The following CACNA2D3 variants were observed in gnomAD, a reference collection of about 807,000 sequenced individuals.
CACNA2D3 encodes calcium voltage-gated channel auxiliary subunit alpha2delta 3.
Under a neutral mutation model 160.6 loss-of-function variants are expected in CACNA2D3, and 60 were observed. The ratio of observed to expected loss-of-function variants is 0.37; its 90% CI spans 0.30 to 0.46. The LOEUF is 0.46. Ranked by LOEUF, CACNA2D3 falls within the 20% of genes least tolerant of loss-of-function variation. CACNA2D3 has a pLI of 1.00. For missense variants in CACNA2D3, 1,205 were observed against 1,365.0 expected (o/e 0.88, Z 1.85); for synonymous variants, 558 against 492.9 (o/e 1.13, Z -1.75).
At chr3:54,156,097 C>T (rs1700238780) in intron 2 of CACNA2D3, among the ~76,000 whole-genome samples, 1 of 152,182 alleles carries the variant, frequency 6.6e-6, no homozygotes, top group African/African-American at 2.4e-5. Context: ...GGAAACCCTT[C>T]AGTCTTCAAA....
chr3:54,628,075 A>G (rs1427350552), intron 10 of CACNA2D3, among the ~76,000 whole-genome samples, 199 bp downstream of exon 10: 1 of 152,110 alleles, frequency 6.6e-6, no homozygotes, highest in Non-Finnish European at 1.5e-5. Flanking sequence ...TACTAAAAAT[A>G]CAAAAAATTA....
chr3:54,734,267 A>G (rs1490602970), intron 11 of CACNA2D3, among the ~76,000 whole-genome samples: 1 of 152,166 alleles, frequency 6.6e-6, no homozygotes, highest in African/African-American at 2.4e-5. Flanking sequence ...GTCATACCCA[A>G]TTCAGATGAT....
At chr3:54,321,628 A>C (rs749780331) in intron 3 of CACNA2D3, among the ~76,000 whole-genome samples, 5 of 152,132 alleles carry the variant, frequency 3.3e-5, no homozygotes, top group Non-Finnish European at 7.4e-5. Context: ...TTTACAAGAG[A>C]GGAGACTGAG....
rs73841668 is a variant in CACNA2D3 at position 54,578,503 on chromosome 3, C to G, written c.889-3300C>G. On this transcript the variant is annotated intron_variant, in intron 8 of 37. Transcript: ENST00000474759. ...CCTTGGGGTCCCCCTCGGGAGGAGC[C>G]GTTGGGTAGTGAGAGGAGCGTGCAT... 5.4e-3 allele frequency among the ~76,000 whole-genome samples: 822 copies of G among 152,294 alleles called. 10 individuals are homozygous for G. Among genetic ancestry groups the G allele is most frequent in the African/African-American group, 0.019 (782 of 41,556 alleles).
chr3:54,827,008 A>G (rs887141136), intron 14 of CACNA2D3, among the ~76,000 whole-genome samples: 2 of 152,194 alleles, frequency 1.3e-5, no homozygotes, highest in Non-Finnish European at 2.9e-5. Flanking sequence ...AAGAACTCTA[A>G]GGACTTTTCC....
At chr3:54,895,042 G>A (rs563429273) in intron 25 of CACNA2D3, among the ~76,000 whole-genome samples, 11 of 152,062 alleles carry the variant, frequency 7.2e-5, no homozygotes, top group African/African-American at 2.7e-4. Flanking sequence ...CATTTTGTCA[G>A]TAAGAGTCAA....
At chr3:54,414,722 G>C (rs1407800034) in intron 4 of CACNA2D3, among the ~76,000 whole-genome samples, 12 of 150,556 alleles carry the variant, frequency 8.0e-5, no homozygotes, top group Non-Finnish European at 1.5e-5. Context: ...GGTAATGGTG[G>C]CTACAGAAGT....
chr3:54,978,006 C>T (rs2107089035), intron 29 of CACNA2D3, among the ~76,000 whole-genome samples: 1 of 152,282 alleles, frequency 6.6e-6, no homozygotes, highest in South Asian at 2.1e-4. Context: ...CCTGACGTTG[C>T]CATGGCATTT....
intron 32 of CACNA2D3, 66 bp from the exon 33 acceptor site, chr3:55,007,724 C>T (rs1703127611): frequency 1.0e-6 from 1 of 982,776 alleles, no homozygotes; most frequent in African/African-American, 1.7e-5. Context: ...TATGTAAAGC[C>T]CTAAATTAAG....
intron 11 of CACNA2D3, among the ~76,000 whole-genome samples, chr3:54,724,174 G>A (rs922752195): frequency 6.6e-6 from 1 of 152,068 alleles, no homozygotes; most frequent in East Asian, 1.9e-4. Context: ...ACAAAGAAGG[G>A]CATTACATAA....
intron 2 of CACNA2D3, among the ~76,000 whole-genome samples, chr3:54,316,529 C>T (rs558577992): frequency 1.1e-4 from 17 of 152,242 alleles, no homozygotes; most frequent in African/African-American, 3.8e-4. Flanking sequence ...ATTCTTGGCT[C>T]GTTTGCAAGA....
intron 35 of CACNA2D3, among the ~76,000 whole-genome samples, chr3:55,034,442 T>C (rs1703769375): frequency 6.6e-6 from 1 of 152,076 alleles, no homozygotes; most frequent in Non-Finnish European, 1.5e-5. Context: ...GACATTTCTA[T>C]TGAGTTTATA....
chr3:54,135,293 A>G (rs1699794535), intron 2 of CACNA2D3, among the ~76,000 whole-genome samples: 1 of 152,152 alleles, frequency 6.6e-6, no homozygotes, highest in African/African-American at 2.4e-5. Flanking sequence ...CAGCATCCAC[A>G]GAACGTTCCT....
At chr3:54,768,209 C>A (rs1208752934) in intron 13 of CACNA2D3, among the ~76,000 whole-genome samples, 1 of 152,122 alleles carries the variant, frequency 6.6e-6, no homozygotes, top group African/African-American at 2.4e-5. Context: ...TGTACACTGT[C>A]TTAGTATACT....
At chr3:54,538,015 C>T (rs1339073203) in intron 5 of CACNA2D3, among the ~76,000 whole-genome samples, 1 of 152,120 alleles carries the variant, frequency 6.6e-6, no homozygotes, top group Non-Finnish European at 1.5e-5. Context: ...CATTTTTCAC[C>T]CAGGAGTGCT....
intron 18 of CACNA2D3, among the ~76,000 whole-genome samples, chr3:54,875,929 C>T (rs1027285577): frequency 6.6e-6 from 1 of 152,150 alleles, no homozygotes; most frequent in South Asian, 2.1e-4. Flanking sequence ...CTTGCGAATG[C>T]TTGATATCTG....
At chr3:54,244,367 T>C (rs960171573) in intron 2 of CACNA2D3, among the ~76,000 whole-genome samples, 6 of 152,242 alleles carry the variant, frequency 3.9e-5, no homozygotes, top group Non-Finnish European at 8.8e-5. Context: ...ATTAGTTGAA[T>C]GAGACCGCAT....
chr3:54,635,418 G>T (rs1009939235), intron 10 of CACNA2D3, among the ~76,000 whole-genome samples: 4 of 151,980 alleles, frequency 2.6e-5, no homozygotes, highest in East Asian at 1.9e-4. Flanking sequence ...AACCGGCAGT[G>T]TAAACAAGAG....
intron 4 of CACNA2D3, among the ~76,000 whole-genome samples, chr3:54,445,953 C>T (rs561706125): frequency 6.6e-6 from 1 of 152,206 alleles, no homozygotes; most frequent in African/African-American, 2.4e-5. Context: ...AAAAGATGCC[C>T]TAGCATATAG....
Sources: gnomAD v4.1 joint callset for allele counts (sites outside exome capture counted in the v4.1 genomes callset) on GRCh38, gnomAD v4.1.1 for gene constraint, MANE v1.5 for transcripts, NCBI Gene and HGNC (gene_info 2026-07-23, HGNC 2026-07-21) for gene names.